The following CNTN4 variants were observed in gnomAD, a reference collection of about 807,000 sequenced individuals.
CNTN4 encodes contactin-4.
CNTN4 carries 77 observed loss-of-function variants against 122.5 expected under a neutral mutation model. The observed-to-expected ratio is 0.63, with a 90% CI of 0.52 to 0.76. The LOEUF (loss-of-function observed/expected upper bound fraction) is 0.76. Ranked by LOEUF, CNTN4 falls within the 30% of genes least tolerant of loss-of-function variation. CNTN4 has a pLI of 0.00. For synonymous variants in CNTN4, 512 were observed against 447.0 expected (o/e 1.15, Z -1.83); for missense variants, 1,256 against 1,259.1 (o/e 1.00, Z 0.04).
chr3:2,904,765 T>C (rs1468288214), intron 12 of CNTN4, among the ~76,000 whole-genome samples: 1 of 152,218 alleles, frequency 6.6e-6, no homozygotes, highest in African/African-American at 2.4e-5. Context: ...TTCTCTACTC[T>C]ACTCTATATC....
At position 2,816,645 on chromosome 3, in the gene CNTN4, AC is replaced by A. The variant is rs2092738020; in HGVS notation, c.359-2837del. 4.6e-5 allele frequency among the ~76,000 whole-genome samples: 7 copies of A among 151,022 alleles called. No homozygotes were observed. The South Asian group carries it at 1.5e-3, about 32-fold the overall frequency. ...AGACTATCCTGGCCAACATGGTGAA[AC>A]CCCGTCTCTACTAAAAATACAAAAA... On this transcript the variant is annotated intron_variant, in intron 6 of 24. Transcript: ENST00000418658.
At chr3:2,326,750 G>A (rs1326825268) in intron 2 of CNTN4, among the ~76,000 whole-genome samples, 2 of 152,136 alleles carry the variant, frequency 1.3e-5, no homozygotes, top group African/African-American at 4.8e-5. Flanking sequence ...AATTAGTACT[G>A]TCTGTGAGCC....
chr3:2,747,146 A>G (rs1337788751), intron 6 of CNTN4, among the ~76,000 whole-genome samples: 1 of 151,990 alleles, frequency 6.6e-6, no homozygotes, highest in Non-Finnish European at 1.5e-5. Flanking sequence ...GCGGTGGCTC[A>G]CGCCTGTAAT....
chr3:2,644,034 A>G (rs777585111), intron 4 of CNTN4, among the ~76,000 whole-genome samples: 45 of 152,154 alleles, frequency 3.0e-4, no homozygotes, highest in Non-Finnish European at 5.6e-4. Flanking sequence ...ATGCCAAGAC[A>G]CTGTAAGTAA....
intron 8 of CNTN4, among the ~76,000 whole-genome samples, chr3:2,868,037 T>G (rs2093743760): frequency 6.6e-6 from 1 of 152,218 alleles, no homozygotes; most frequent in Admixed American, 6.5e-5. Context: ...TTCAGGTTTC[T>G]ATTCTTTTTA....
intron 4 of CNTN4, among the ~76,000 whole-genome samples, chr3:2,702,378 C>A (rs1005369341): frequency 6.6e-6 from 1 of 152,220 alleles, no homozygotes; most frequent in Non-Finnish European, 1.5e-5. Flanking sequence ...AGCAACAAAT[C>A]ATTTTGTAGG....
intron 9 of CNTN4, among the ~76,000 whole-genome samples, chr3:2,886,168 T>A (rs933454818): frequency 4.6e-5 from 7 of 152,132 alleles, no homozygotes; most frequent in African/African-American, 1.4e-4. Context: ...CAAATGCACA[T>A]GAACATTTTT....
intron 13 of CNTN4, among the ~76,000 whole-genome samples, chr3:2,947,789 G>A (rs948245982): frequency 6.6e-6 from 1 of 152,160 alleles, no homozygotes; most frequent in African/African-American, 2.4e-5. Context: ...CCAAGTGAGG[G>A]TTTTCTTTAT....
chr3:2,611,918 G>A (rs2081508407), intron 4 of CNTN4, among the ~76,000 whole-genome samples: 1 of 151,984 alleles, frequency 6.6e-6, no homozygotes, highest in South Asian at 2.1e-4. Flanking sequence ...AACTTATGGT[G>A]AGACACACTA....
rs73805608 is a variant in CNTN4, at chr3:3,038,839, C to G, written c.2093-94C>G. On this transcript the variant is annotated intron_variant, in intron 18 of 24. Transcript: ENST00000418658. Reference sequence around the variant, plus strand: ...AGACAAAGGGGCGTGCCTCAGAGTACTCACTGAAAGTGAGTCACCTCTGCC... The same window carrying G: ...AGACAAAGGGGCGTGCCTCAGAGTAGTCACTGAAAGTGAGTCACCTCTGCC... 5.1e-3 allele frequency: 4,802 copies of G among 940,506 alleles called. 167 individuals are homozygous for G. In the African/African-American group the frequency reaches 0.066, roughly 13 times the overall value. The allele number at this position is 940,506 out of a possible 1,614,324, so 58.3% of individuals were successfully genotyped here. A position where few individuals can be genotyped will look rare whatever the true frequency, so the allele number is the denominator to read the frequency against.
At chr3:2,193,686 G>A (rs1259814515) in intron 2 of CNTN4, among the ~76,000 whole-genome samples, 2 of 152,134 alleles carry the variant, frequency 1.3e-5, no homozygotes, top group East Asian at 3.8e-4. Flanking sequence ...CATCACATAT[G>A]CATGACTATG....
intron 6 of CNTN4, among the ~76,000 whole-genome samples, chr3:2,758,690 A>G (rs1420579707): frequency 2.6e-5 from 4 of 151,930 alleles, no homozygotes; most frequent in African/African-American, 7.2e-5. Context: ...TATTTTTAGT[A>G]GAGACGGGGT....
intron 4 of CNTN4, among the ~76,000 whole-genome samples, chr3:2,612,001 C>A (rs1346205022): frequency 1.3e-5 from 1 of 76,216 alleles, no homozygotes; most frequent in Admixed American, 1.4e-4. Flanking sequence ...AAGATTCTTA[C>A]AAAATATTCT....
intron 3 of CNTN4, among the ~76,000 whole-genome samples, chr3:2,493,857 T>C (rs1280518760): frequency 6.6e-6 from 1 of 152,144 alleles, no homozygotes; most frequent in Non-Finnish European, 1.5e-5. Context: ...TTCTTTTTGC[T>C]GCCTGGAATA....
intron 3 of CNTN4, among the ~76,000 whole-genome samples, chr3:2,412,531 G>A (rs1575578815): frequency 6.6e-6 from 1 of 152,122 alleles, no homozygotes; most frequent in East Asian, 1.9e-4. Flanking sequence ...GGGATTACAG[G>A]CATGAGCCAC....
At chr3:2,635,269 A>G (rs1283871039) in intron 4 of CNTN4, among the ~76,000 whole-genome samples, 4 of 152,204 alleles carry the variant, frequency 2.6e-5, no homozygotes, top group Admixed American at 2.0e-4. Flanking sequence ...AGATAAAAGT[A>G]AAGTCAAAAA....
chr3:2,735,769 T>C, intron 4 of CNTN4: 2 of 347,650 alleles, frequency 5.8e-6, no homozygotes, highest in South Asian at 4.5e-5. Context: ...TATTGACTTA[T>C]TTACAGTATC....
intron 2 of CNTN4, among the ~76,000 whole-genome samples, chr3:2,187,571 C>G (rs1038191262): frequency 6.6e-5 from 10 of 152,126 alleles, no homozygotes; most frequent in Admixed American, 6.6e-5. Flanking sequence ...TTATAGTTAG[C>G]TCTGGGTTGC....
intron 4 of CNTN4, among the ~76,000 whole-genome samples, chr3:2,677,964 C>G (rs1194653314): frequency 2.6e-5 from 4 of 152,024 alleles, no homozygotes; most frequent in African/African-American, 9.7e-5. Flanking sequence ...TCACCAAATC[C>G]CTTTAGTGTA....
Sources: gnomAD v4.1 joint callset for allele counts (sites outside exome capture counted in the v4.1 genomes callset) on GRCh38, gnomAD v4.1.1 for gene constraint, MANE v1.5 for transcripts, NCBI Gene and HGNC (gene_info 2026-07-23, HGNC 2026-07-21) for gene names.